WDR7: variants seen among roughly 807,000 people sequenced by gnomAD.
The protein encoded by WDR7 is WD repeat domain 7, also known as WD repeat-containing protein 7.
WDR7 carries 46 observed loss-of-function variants against 169.4 expected under a neutral mutation model. The observed-to-expected ratio is 0.27, with a 90% confidence interval of 0.21 to 0.35. The LOEUF (loss-of-function observed/expected upper bound fraction) is 0.35. Ranked by LOEUF, WDR7 falls within the 10% of genes least tolerant of loss-of-function variation. The pLI, the probability that WDR7 is intolerant of heterozygous loss-of-function variation, is 1.00. For missense variants in WDR7, 1,534 were observed against 1,859.3 expected (o/e 0.83, Z 3.22); for synonymous variants, 612 against 666.8 (o/e 0.92, Z 1.27).
chr18:56,679,500 G>C (rs2025312935), intron 3 of WDR7, 62 bp downstream of exon 3: 2 of 1,199,496 alleles, frequency 1.7e-6, no homozygotes, highest in East Asian at 2.5e-5. Flanking sequence ...CCAATGCCTT[G>C]TAAGTAGCGA....
intron 21 of WDR7, among the ~76,000 whole-genome samples, chr18:56,902,559 TGTAGTG>T (rs2046417607): frequency 6.6e-6 from 1 of 152,122 alleles, no homozygotes. Flanking sequence ...GTGTTGCAGG[TGTAGTG>T]GTATTAAGGA....
At chr18:56,826,879 C>A (rs1449079582) in intron 20 of WDR7, among the ~76,000 whole-genome samples, 2 of 152,056 alleles carry the variant, frequency 1.3e-5, no homozygotes, top group African/African-American at 4.8e-5. Context: ...TGCCTTATGT[C>A]TTCTATCAGC....
chr18:56,744,435 T>C (rs767561944), intron 14 of WDR7, among the ~76,000 whole-genome samples: 1 of 150,538 alleles, frequency 6.6e-6, no homozygotes, highest in Non-Finnish European at 1.5e-5. Flanking sequence ...CTGATGAGAG[T>C]GGTAGAGATT....
intron 14 of WDR7, among the ~76,000 whole-genome samples, chr18:56,751,935 G>A (rs2067574088): frequency 1.3e-5 from 2 of 152,146 alleles, no homozygotes; most frequent in South Asian, 4.1e-4. Flanking sequence ...CCCTCATCTG[G>A]ATGGTTTCAG....
intron 14 of WDR7, among the ~76,000 whole-genome samples, chr18:56,748,461 A>G (rs768865588): frequency 3.3e-5 from 5 of 152,184 alleles, no homozygotes; most frequent in Non-Finnish European, 7.3e-5. Flanking sequence ...CCAGTAAGAC[A>G]TGGTCTACAG....
At chr18:56,888,452 A>G (rs2046225927) in intron 21 of WDR7, among the ~76,000 whole-genome samples, 1 of 152,180 alleles carries the variant, frequency 6.6e-6, no homozygotes, top group Non-Finnish European at 1.5e-5. Context: ...TTTTGGTCCA[A>G]ATAGTCTTCT....
At chr18:56,920,888 T>G (rs1243414998) in intron 21 of WDR7, among the ~76,000 whole-genome samples, 1 of 152,184 alleles carries the variant, frequency 6.6e-6, no homozygotes, top group Non-Finnish European at 1.5e-5. Context: ...TTGATCCATG[T>G]TGCAGAGCAC....
chr18:57,016,806 C>T (rs985724664), intron 26 of WDR7, among the ~76,000 whole-genome samples: 1 of 152,180 alleles, frequency 6.6e-6, no homozygotes, highest in African/African-American at 2.4e-5. Context: ...ACACTCTTAT[C>T]TCCTGCTAGG....
intron 27 of WDR7, among the ~76,000 whole-genome samples, chr18:57,023,432 A>G (rs1228161025): frequency 1.3e-5 from 2 of 152,240 alleles, no homozygotes; most frequent in African/African-American, 4.8e-5. Flanking sequence ...TATTGGTTGG[A>G]TAATTACTCA....
chr18:56,968,184 ATAACT>A (rs2047437926), intron 26 of WDR7, among the ~76,000 whole-genome samples: 1 of 152,068 alleles, frequency 6.6e-6, no homozygotes, highest in African/African-American at 2.4e-5. Flanking sequence ...AATTATTAAA[ATAACT>A]TTACTATTGA....
intron 26 of WDR7, among the ~76,000 whole-genome samples, chr18:56,983,570 CAGAGAGAGAG>C (rs574515963): frequency 0.017 from 1,011 of 60,918 alleles, 8 homozygotes; most frequent in Middle Eastern, 0.028. Context: ...CACACACACA[CAGAGAGAGAG>C]AGAGAGAGAG....
In WDR7 at chr18:56,832,159, G is replaced by A. The variant is rs149420590; in HGVS notation, c.3304+16015G>A. On this transcript the variant is annotated intron_variant, in intron 20 of 27. Transcript: ENST00000254442. ...GAATGCTTGAGCTTGGTGGGGGCAG[G>A]GGTGTCTGCCATTACTGAGGCTTCA... is the stretch of plus-strand genomic sequence containing the variant. Among the ~76,000 whole-genome samples, 8 of 152,284 alleles carry A rather than the reference G, an allele frequency of 5.3e-5. No individual in the cohort carries two copies. In the East Asian group the frequency reaches 1.5e-3, roughly 30 times the overall value.
chr18:56,736,577 A>G (rs1161365296), intron 14 of WDR7, among the ~76,000 whole-genome samples: 1 of 151,048 alleles, frequency 6.6e-6, no homozygotes, highest in African/African-American at 2.4e-5. Flanking sequence ...TAGATCACAC[A>G]TACCGTTGAA....
At chr18:56,871,199 G>C (rs539107606) in intron 20 of WDR7, among the ~76,000 whole-genome samples, 1 of 152,240 alleles carries the variant, frequency 6.6e-6, no homozygotes, top group East Asian at 1.9e-4. Context: ...AAGTTCGCTT[G>C]TTCTCCAGAA....
intron 21 of WDR7, among the ~76,000 whole-genome samples, chr18:56,893,838 TTGG>T (rs1309546877): frequency 6.6e-6 from 1 of 152,122 alleles, no homozygotes; most frequent in African/African-American, 2.4e-5. Flanking sequence ...GTTTTAGAAG[TTGG>T]TGTTTGACAT....
At chr18:56,699,524 C>T (rs1182178142) in intron 12 of WDR7, among the ~76,000 whole-genome samples, 1 of 152,162 alleles carries the variant, frequency 6.6e-6, no homozygotes, top group Non-Finnish European at 1.5e-5. Flanking sequence ...AGTTTGTCAT[C>T]TGTTTTGTTT....
chr18:56,692,168 A>G (rs1227104665), intron 9 of WDR7, among the ~76,000 whole-genome samples: 2 of 151,956 alleles, frequency 1.3e-5, no homozygotes, highest in Non-Finnish European at 2.9e-5. Flanking sequence ...AAGAGCACAC[A>G]TAGTTATGTA....
chr18:56,706,422 A>G (rs1391839556), intron 12 of WDR7, among the ~76,000 whole-genome samples: 1 of 152,164 alleles, frequency 6.6e-6, no homozygotes, highest in African/African-American at 2.4e-5. Context: ...AACCAAACAG[A>G]CCTGGATTTG....
At chr18:56,934,651 A>G (rs1053957524) in intron 22 of WDR7, among the ~76,000 whole-genome samples, 3 of 152,126 alleles carry the variant, frequency 2.0e-5, no homozygotes, top group Non-Finnish European at 4.4e-5. Flanking sequence ...ATTTCCTTTA[A>G]CAATGAAGAG....
Sources: gnomAD v4.1 joint callset for allele counts (sites outside exome capture counted in the v4.1 genomes callset) on GRCh38, gnomAD v4.1.1 for gene constraint, MANE v1.5 for transcripts, NCBI Gene and HGNC (gene_info 2026-07-23, HGNC 2026-07-21) for gene names.